The following ECT2L variants were observed in gnomAD, a reference collection of about 807,000 sequenced individuals.
ECT2L encodes the protein epithelial cell transforming 2 like.
Under a neutral mutation model 122.8 loss-of-function variants are expected in ECT2L, and 126 were observed. The ratio of observed to expected loss-of-function variants is 1.03; its 90% CI spans 0.89 to 1.19. ECT2L has a LOEUF of 1.19. Ranked by LOEUF, ECT2L falls within the 50% of genes most tolerant of loss-of-function variation. The pLI is 0.00. For missense variants in ECT2L, 1,012 were observed against 1,064.1 expected, an observed-to-expected ratio of 0.95 and a Z score of 0.68; for synonymous variants, 385 against 381.8, an observed-to-expected ratio of 1.01 and a Z score of -0.10.
At chr6:138,873,613 G>A (rs1778329328) in intron 13 of ECT2L, among the ~76,000 whole-genome samples, 3 of 152,120 alleles carry the variant, frequency 2.0e-5, no homozygotes, top group African/African-American at 7.2e-5. Context: ...GGCCAACAAG[G>A]TGAAACCCCG....
chr6:138,820,447 A>G (rs1377993561), intron 4 of ECT2L, among the ~76,000 whole-genome samples: 2 of 152,216 alleles, frequency 1.3e-5, no homozygotes, highest in Non-Finnish European at 2.9e-5. Flanking sequence ...ATGGTTGAGG[A>G]TGGCAAAGTG....
intron 20 of ECT2L, among the ~76,000 whole-genome samples, chr6:138,890,385 A>C (rs952778629): frequency 2.0e-5 from 3 of 152,020 alleles, no homozygotes; most frequent in African/African-American, 7.2e-5. Context: ...AGGTGGAAGA[A>C]ATCAGTCCCC....
Position 138,838,336 on chromosome 6 carries a change from T to G in ECT2L, c.180-16T>G. The G allele has an allele frequency of 6.4e-7, 1 of 1,566,922 alleles. No homozygotes were observed. The highest frequency in any genetic ancestry group is 8.6e-7 in the Non-Finnish European group (1 of 1,163,694). On this transcript the variant is annotated splice_polypyrimidine_tract_variant and intron_variant, in intron 4 of 21. Coordinates refer to ENST00000541398, the MANE Select transcript of ECT2L (RefSeq NM_001077706.3). ...TAGACATTAGTGTTCTAAACTAAAT[T>G]TCTCTTTCTTTTTAGGTTTGTCCAA...
chr6:138,834,894 TACACACACACACACAC>T (rs544584441), intron 4 of ECT2L, among the ~76,000 whole-genome samples: 11 of 137,334 alleles, frequency 8.0e-5, no homozygotes, highest in Admixed American at 6.0e-4. Flanking sequence ...TGCCCCCGTT[TACACACACACACACAC>T]ACACACACAC....
chr6:138,863,596 T>C (rs1777915288), intron 11 of ECT2L, among the ~76,000 whole-genome samples: 1 of 151,590 alleles, frequency 6.6e-6, no homozygotes, highest in African/African-American at 2.4e-5. Flanking sequence ...TTGCTGGTAA[T>C]AGGGAACAGG....
At chr6:138,858,480 T>C (rs1334034609) in intron 10 of ECT2L, among the ~76,000 whole-genome samples, 3 of 152,156 alleles carry the variant, frequency 2.0e-5, no homozygotes, top group Admixed American at 1.3e-4. Flanking sequence ...TACAATAAAC[T>C]GTACATAATA....
chr6:138,901,733 A>G (rs889150464), intron 21 of ECT2L, among the ~76,000 whole-genome samples: 2 of 152,246 alleles, frequency 1.3e-5, no homozygotes, highest in Non-Finnish European at 2.9e-5. Context: ...CAAGCTTAAA[A>G]GGATCTGTAT....
rs552594959 is a variant in ECT2L at position 138,890,492 on chromosome 6, C to CTTTTTTTTTTTT, written c.2414+1478_2414+1489dup. Among the ~76,000 whole-genome samples, 402 of 78,934 alleles carry CTTTTTTTTTTTT rather than the reference C, an allele frequency of 5.1e-3. 43 individuals carry two copies. The highest frequency in any genetic ancestry group is 0.023 in the East Asian group (36 of 1,558). 51.8% of individuals were successfully genotyped at this position (78,934 alleles called of 152,430 possible). Reference sequence around the variant, plus strand: ...TCATGACATTTTTGTTTTCTTTGATCTTTTTTTTTTTTTTTTTTTTTTTTT... The same window carrying CTTTTTTTTTTTT: ...TCATGACATTTTTGTTTTCTTTGATCTTTTTTTTTTTTTTTTTTTTTTTTTTTTTTTTTTTTT... On this transcript the variant is annotated intron_variant, in intron 20 of 21. Transcript: ENST00000541398.
chr6:138,839,015 T>C (rs975515358), intron 5 of ECT2L, among the ~76,000 whole-genome samples: 4 of 152,094 alleles, frequency 2.6e-5, no homozygotes, highest in Non-Finnish European at 5.9e-5. Flanking sequence ...CTCCTGACCT[T>C]GTGATCCGCC....
chr6:138,807,897 C>T (rs192347094), intron 1 of ECT2L, among the ~76,000 whole-genome samples: 1 of 151,812 alleles, frequency 6.6e-6, no homozygotes, highest in African/African-American at 2.4e-5. Flanking sequence ...GTGCCAATAC[C>T]TCATGCTGTT....
intron 14 of ECT2L, chr6:138,879,489 T>G (rs553587853): frequency 6.6e-6 from 1 of 152,336 alleles, no homozygotes; most frequent in South Asian, 2.1e-4. Flanking sequence ...TTATAAATTT[T>G]CTGGTATAAA....
chr6:138,835,915 C>T (rs1284018034), intron 4 of ECT2L, among the ~76,000 whole-genome samples: 1 of 152,214 alleles, frequency 6.6e-6, no homozygotes, highest in Admixed American at 6.5e-5. Context: ...AGCAAATGCT[C>T]AGGTTTTCCT....
chr6:138,856,375 C>T (rs911965898), intron 10 of ECT2L, among the ~76,000 whole-genome samples: 11 of 152,032 alleles, frequency 7.2e-5, no homozygotes, highest in Admixed American at 3.3e-4. Flanking sequence ...CCACCACACC[C>T]GGCTAATTTT....
At chr6:138,835,116 G>A (rs1043876103) in intron 4 of ECT2L, among the ~76,000 whole-genome samples, 2 of 151,006 alleles carry the variant, frequency 1.3e-5, no homozygotes, top group African/African-American at 4.9e-5. Flanking sequence ...TGGAACTGAA[G>A]CAAACTTAAA....
Position 138,894,991 on chromosome 6 carries a change from G to A in ECT2L, c.2415-5957G>A, listed in dbSNP as rs1300002126. Among the ~76,000 whole-genome samples the A allele has an allele frequency of 3.3e-5, 5 of 152,134 alleles. No individual in the cohort carries two copies. In the East Asian group the frequency reaches 9.7e-4, roughly 29 times the overall value. ...TATTTGAAATTGACTGGGTGTGGTG[G>A]CTCATTCCCGTAATCCCAGCACTTT... On this transcript the variant is annotated intron_variant, in intron 20 of 21. Transcript: ENST00000541398.
rs1778840484 is a variant in ECT2L, at chr6:138,886,865, A to G, written c.2268A>G (p.Gln756=). ...TACTTTTTTTCCCCTAGATGAAGCA[A>G]AACATCACTATGAAGGATCATCTGT... The part of the protein sequence containing the change: ...KYKGYIDQMK[Q]NITMKDHLSD... Residue 756 remains glutamine, a synonymous_variant, in exon 19 of 22, where the codon CAA becomes CAG. Coordinates refer to ENST00000541398, the MANE Select transcript of ECT2L (RefSeq NM_001077706.3). 2 of 1,613,320 alleles carry G rather than the reference A, an allele frequency of 1.2e-6. No homozygotes were observed. Among genetic ancestry groups the G allele is most frequent in the South Asian group, 2.2e-5 (2 of 90,930 alleles).
chr6:138,826,759 C>G (rs1256489166), intron 4 of ECT2L, among the ~76,000 whole-genome samples: 1 of 152,052 alleles, frequency 6.6e-6, no homozygotes, highest in Non-Finnish European at 1.5e-5. Flanking sequence ...AAGGTGAGAT[C>G]TGGCGGGAGG....
chr6:138,822,458 C>T (rs889663410), intron 4 of ECT2L, among the ~76,000 whole-genome samples: 2 of 152,062 alleles, frequency 1.3e-5, no homozygotes, highest in East Asian at 1.9e-4. Flanking sequence ...AGGAGGCTGA[C>T]GCAGGGGAAT....
At chr6:138,868,998 C>G (rs1582637455) in intron 13 of ECT2L, among the ~76,000 whole-genome samples, 1 of 152,164 alleles carries the variant, frequency 6.6e-6, no homozygotes, top group East Asian at 1.9e-4. Flanking sequence ...GAAACCCCGT[C>G]TCTACTAAAA....
Sources: gnomAD v4.1 joint callset for allele counts (sites outside exome capture counted in the v4.1 genomes callset) on GRCh38, gnomAD v4.1.1 for gene constraint, MANE v1.5 for transcripts, NCBI Gene and HGNC (gene_info 2026-07-23, HGNC 2026-07-21) for gene names.